MBTPS1: variants seen among roughly 807,000 people sequenced by gnomAD.
The protein encoded by MBTPS1 is membrane bound transcription factor peptidase, site 1, also known as membrane-bound transcription factor site-1 protease.
A neutral mutation model predicts 127.8 loss-of-function variants in MBTPS1; 94 were observed. That is an observed-to-expected ratio of 0.74 (90% CI 0.62 to 0.87). The LOEUF (loss-of-function observed/expected upper bound fraction) is 0.87. Ranked by LOEUF, MBTPS1 falls within the 40% of genes least tolerant of loss-of-function variation. The probability of loss-of-function intolerance (pLI) is 0.00; values close to 1 mark genes in which losing one functional copy is unlikely to be tolerated. For synonymous variants in MBTPS1, 632 were observed against 509.4 expected (o/e 1.24, Z -3.24); for missense variants, 1,636 against 1,353.2 (o/e 1.21, Z -3.28).
chr16:84,079,046 G>A (rs755965548), intron 11 of MBTPS1, among the ~76,000 whole-genome samples: 7 of 152,226 alleles, frequency 4.6e-5, no homozygotes, highest in Non-Finnish European at 1.0e-4. Context: ...GGGTGGTTTA[G>A]CACCATCCCT....
intron 10 of MBTPS1, chr16:84,082,202 AT>A (rs1282659245): frequency 4.2e-5 from 8 of 192,320 alleles, no homozygotes; most frequent in Non-Finnish European, 8.4e-5. Flanking sequence ...GAAGGCATGA[AT>A]GTATAGGAGG....
intron 11 of MBTPS1, among the ~76,000 whole-genome samples, chr16:84,080,366 T>C (rs2085922624): frequency 6.6e-6 from 1 of 152,164 alleles, no homozygotes; most frequent in South Asian, 2.1e-4. Context: ...CATCAAGGCA[T>C]GCTAACATGA....
intron 1 of MBTPS1, among the ~76,000 whole-genome samples, chr16:84,113,955 C>CT (rs57658435): frequency 0.031 from 4,211 of 137,012 alleles, 71 homozygotes; most frequent in Admixed American, 0.039. Context: ...GGTGTCTTCC[C>CT]TTTTTTTTTT....
intron 11 of MBTPS1, 111 bp downstream of exon 11, chr16:84,081,636 C>T: frequency 1.1e-6 from 1 of 872,780 alleles, no homozygotes; most frequent in Non-Finnish European, 1.6e-6. Context: ...CCCGAGAATT[C>T]TGTGCTTAGT....
At chr16:84,093,130 C>T in intron 6 of MBTPS1, 58 bp downstream of exon 6, 1 of 1,151,332 alleles carries the variant, frequency 8.7e-7, no homozygotes, top group Non-Finnish European at 1.3e-6. Context: ...TCCAGTGATT[C>T]TGCTTTTTAC....
chr16:84,055,755 G>A lies in MBTPS1; in HGVS notation c.2962+250C>T, dbSNP rs184206187. On this transcript the variant is annotated intron_variant, in intron 22 of 22. Transcript: ENST00000343411. ...ACATGTTTAAGTAGATCACCCAGCCGTTGTAAAATAAATTCAAATGTGAAA... is the reference window on the plus strand; with the variant it reads ...ACATGTTTAAGTAGATCACCCAGCCATTGTAAAATAAATTCAAATGTGAAA... Among the ~76,000 whole-genome samples, 392 of 152,314 alleles carry A rather than the reference G, an allele frequency of 2.6e-3. 6 individuals are homozygous for A. The highest frequency in any genetic ancestry group is 5.3e-4 in the Non-Finnish European group (36 of 68,032).
intron 12 of MBTPS1, among the ~76,000 whole-genome samples, chr16:84,072,526 TCA>T (rs2085785428): frequency 6.6e-6 from 1 of 152,170 alleles, no homozygotes; most frequent in African/African-American, 2.4e-5. Flanking sequence ...GCGCGATGGC[TCA>T]CACCTGTAAT....
chr16:84,091,590 AG>A (rs2086107540), intron 7 of MBTPS1, 141 bp downstream of exon 7: 1 of 637,096 alleles, frequency 1.6e-6, no homozygotes, highest in Non-Finnish European at 2.9e-6. Context: ...AAATCACTGA[AG>A]CTCACGTCAT....
At chr16:84,080,564 T>C (rs959401470) in intron 11 of MBTPS1, among the ~76,000 whole-genome samples, 2 of 152,214 alleles carry the variant, frequency 1.3e-5, no homozygotes, top group African/African-American at 4.8e-5. Flanking sequence ...GCTGCCACCC[T>C]CAGGTCCTCA....
At chr16:84,109,336 A>C (rs2086367823) in intron 1 of MBTPS1, 1 of 152,234 alleles carries the variant, frequency 6.6e-6, no homozygotes, top group Non-Finnish European at 1.5e-5. Context: ...CCGTGGAATA[A>C]AACAGGAAAA....
At position 84,072,698 on chromosome 16, in the gene MBTPS1, G is replaced by C. The variant is rs565944599; in HGVS notation, c.1593+1899C>G. Among the ~76,000 whole-genome samples, 3 of 152,254 alleles carry C rather than the reference G, an allele frequency of 2.0e-5. No individual in the cohort carries two copies. In the East Asian group the frequency reaches 5.8e-4, roughly 30 times the overall value. ...CCAGCTACTCGGGAGGCTGAGGCAG[G>C]AAAATGGCGTGAACCCGGGAGACGG... On this transcript the variant is annotated intron_variant, in intron 12 of 22. Transcript: ENST00000343411.
rs376256473 is a variant in MBTPS1, at chr16:84,065,295, T to G, written c.2431+395A>C. Among the ~76,000 whole-genome samples, 142 of 152,186 alleles carry G rather than the reference T, an allele frequency of 9.3e-4. 4 individuals are homozygous for G. In the South Asian group the frequency reaches 0.027, roughly 29 times the overall value. ...ATCATGCCCGGCTAAATTTTTGTAT[T>G]TTTAGTAGAGACAGGGTTTCACTGT... is the stretch of plus-strand genomic sequence containing the variant. On this transcript the variant is annotated intron_variant, in intron 18 of 22. Transcript: ENST00000343411.
rs751889545 is a variant in MBTPS1, at chr16:84,093,262, C to T, written c.772G>A (p.Ala258Thr). 2.5e-6 allele frequency: 4 copies of T among 1,613,892 alleles called. No homozygotes were observed. The highest frequency in any genetic ancestry group is 2.7e-5 in the African/African-American group (2 of 74,908). ...GHGTFVAGVIASMRECQGFAP... is the reference protein window; with the variant it reads ...GHGTFVAGVITSMRECQGFAP... Reference sequence around the variant, plus strand: ...AATCCTTGGCACTCCCTCATGCTGGCTATCACACCTGCCACGAATGTGCCA... The same window carrying T: ...AATCCTTGGCACTCCCTCATGCTGGTTATCACACCTGCCACGAATGTGCCA... The change falls in exon 6 of 23, where the codon GCC becomes ACC. Residue 258 changes from alanine to threonine, a missense_variant. Ala to Thr is a moderately conservative substitution (Grantham distance 58, BLOSUM62 0). Transcript: ENST00000343411.
intron 1 of MBTPS1, among the ~76,000 whole-genome samples, chr16:84,106,348 C>G (rs2086323457): frequency 6.6e-6 from 1 of 152,038 alleles, no homozygotes; most frequent in Non-Finnish European, 1.5e-5. Flanking sequence ...AGGAATATGA[C>G]AAGTCAGGAG....
intron 22 of MBTPS1, among the ~76,000 whole-genome samples, chr16:84,055,393 G>A (rs2085507320): frequency 6.6e-6 from 1 of 152,218 alleles, no homozygotes; most frequent in Non-Finnish European, 1.5e-5. Flanking sequence ...GAGTACAGGG[G>A]ACTCTAGAGC....
chr16:84,082,191 A>G (rs2085951873), intron 10 of MBTPS1: 1 of 210,844 alleles, frequency 4.7e-6, no homozygotes, highest in Non-Finnish European at 9.3e-6. Context: ...CATAGGCTGC[A>G]GAAGGCATGA....
intron 16 of MBTPS1, among the ~76,000 whole-genome samples, chr16:84,067,147 G>T (rs1239030141): frequency 6.6e-6 from 1 of 151,808 alleles, no homozygotes; most frequent in Admixed American, 6.6e-5. Flanking sequence ...AGTTCCTTTG[G>T]TGCATTTAAA....
chr16:84,095,674 GCCGTCTGCTCGAATGCCTTC>G lies in MBTPS1; in HGVS notation c.533_552del (p.Gly178AlafsTer27). On this transcript the variant is annotated frameshift_variant, in exon 4 of 23. Transcript: ENST00000343411. LOFTEE classifies it high-confidence loss of function. The stretch of plus-strand genomic sequence containing the variant: ...ACCTGGCGCGGGATGGCTCTCAGCA[GCCGTCTGCTCGAATGCCTTC>G]CCGTAGCATGCCAGAAGCCAGAGCC... 1 of 1,614,258 alleles carries G rather than the reference GCCGTCTGCTCGAATGCCTTC, an allele frequency of 6.2e-7. No homozygotes were observed. Among genetic ancestry groups the G allele is most frequent in the Non-Finnish European group, 8.5e-7 (1 of 1,180,050 alleles).
At chr16:84,074,563 T>G (rs1567481995) in intron 12 of MBTPS1, 34 bp downstream of exon 12, 4 of 1,606,484 alleles carry the variant, frequency 2.5e-6, no homozygotes, top group East Asian at 2.2e-5. Context: ...AAGTTCACCA[T>G]CAAGTCAGAG....
Sources: gnomAD v4.1 joint callset for allele counts (sites outside exome capture counted in the v4.1 genomes callset) on GRCh38, gnomAD v4.1.1 for gene constraint, MANE v1.5 for transcripts, NCBI Gene and HGNC (gene_info 2026-07-23, HGNC 2026-07-21) for gene names.